Variants in RAB28 observed in about 807,000 individuals in gnomAD.
RAB28 encodes RAB28, member RAS oncogene family.
A neutral mutation model predicts 31.7 loss-of-function variants in RAB28; 24 were observed. The ratio of observed to expected loss-of-function variants is 0.76; its 90% CI spans 0.55 to 1.06. The LOEUF is 1.06. Ranked by LOEUF, RAB28 falls within the 50% of genes least tolerant of loss-of-function variation. The pLI, the probability that RAB28 is intolerant of heterozygous loss-of-function variation, is 0.00. For missense variants in RAB28, 254 were observed against 258.5 expected (o/e 0.98, Z 0.12); for synonymous variants, 100 against 90.4 (o/e 1.11, Z -0.60).
intron 4 of RAB28, among the ~76,000 whole-genome samples, chr4:13,426,725 A>G (rs898257597): frequency 1.3e-5 from 2 of 152,188 alleles, no homozygotes; most frequent in Admixed American, 6.5e-5. Flanking sequence ...AAATAAATAT[A>G]TTACCTTATT....
chr4:13,432,055 T>C (rs1713837207), intron 4 of RAB28, among the ~76,000 whole-genome samples: 1 of 151,850 alleles, frequency 6.6e-6, no homozygotes, highest in Non-Finnish European at 1.5e-5. Flanking sequence ...AGAAAAACAA[T>C]TTAGGATATG....
chr4:13,432,934 C>A (rs1035953198), intron 4 of RAB28, among the ~76,000 whole-genome samples: 1 of 149,844 alleles, frequency 6.7e-6, no homozygotes, highest in African/African-American at 2.5e-5. Context: ...TAACCTTGAA[C>A]GTAAATGGCC....
chr4:13,408,480 T>A (rs544215668), intron 4 of RAB28, among the ~76,000 whole-genome samples: 4 of 152,302 alleles, frequency 2.6e-5, no homozygotes, highest in Admixed American at 1.3e-4. Context: ...TTTCTTTTTT[T>A]GTGTGTGTCT....
intron 4 of RAB28, among the ~76,000 whole-genome samples, chr4:13,437,930 T>C (rs1430458372): frequency 6.6e-6 from 1 of 152,146 alleles, no homozygotes; most frequent in East Asian, 1.9e-4. Flanking sequence ...AATAGTGAAG[T>C]CATGGAATCA....
chr4:13,450,439 TC>T (rs1714907898), intron 4 of RAB28, among the ~76,000 whole-genome samples: 1 of 151,900 alleles, frequency 6.6e-6, no homozygotes, highest in Admixed American at 6.6e-5. Context: ...TCTAATGGAT[TC>T]CCTATATCTA....
chr4:13,483,983 G>A, intron 1 of RAB28, 93 bp downstream of exon 1: 1 of 1,230,964 alleles, frequency 8.1e-7, no homozygotes, highest in Non-Finnish European at 1.2e-6. Flanking sequence ...CCGAGGGCTC[G>A]GGGTAACGAG....
chr4:13,415,492 C>T (rs1177920855), intron 4 of RAB28, among the ~76,000 whole-genome samples: 2 of 152,166 alleles, frequency 1.3e-5, no homozygotes, highest in African/African-American at 4.8e-5. Flanking sequence ...ACTCAGAGCG[C>T]CCGGCCAGCC....
chr4:13,446,183 C>T (rs1005384796), intron 4 of RAB28, among the ~76,000 whole-genome samples: 1 of 152,220 alleles, frequency 6.6e-6, no homozygotes, highest in African/African-American at 2.4e-5. Flanking sequence ...AAACCGCCTA[C>T]TAAAGCCACA....
At chr4:13,369,943 A>G in intron 6 of RAB28, 1 of 1,612,364 alleles carries the variant, frequency 6.2e-7, no homozygotes, top group Non-Finnish European at 8.5e-7. Flanking sequence ...CGGGTACTTC[A>G]CTATTTCTGC....
At chr4:13,423,595 C>A (rs1713302326) in intron 4 of RAB28, among the ~76,000 whole-genome samples, 1 of 152,114 alleles carries the variant, frequency 6.6e-6, no homozygotes, top group South Asian at 2.1e-4. Flanking sequence ...CAGCCATACT[C>A]ATTCATTAGG....
chr4:13,483,958 C>A, intron 1 of RAB28, 118 bp downstream of exon 1: 1 of 955,616 alleles, frequency 1.0e-6, no homozygotes, highest in Non-Finnish European at 1.6e-6. Context: ...ACCAGAAGGG[C>A]CCGGGCCTAG....
chr4:13,469,937 T>G (rs1716040711), intron 3 of RAB28, among the ~76,000 whole-genome samples: 1 of 152,034 alleles, frequency 6.6e-6, no homozygotes, highest in Non-Finnish European at 1.5e-5. Flanking sequence ...GCAATTGGCC[T>G]ACCTTGGCCC....
Position 13,430,940 on chromosome 4 carries a change from C to T in RAB28, c.391+29759G>A, listed in dbSNP as rs531831606. 5.9e-5 allele frequency among the ~76,000 whole-genome samples: 9 copies of T among 152,310 alleles called. No homozygotes were observed. In the South Asian group the frequency reaches 1.4e-3, roughly 25 times the overall value. On this transcript the variant is annotated intron_variant, in intron 4 of 6. Transcript: ENST00000330852. The stretch of plus-strand genomic sequence containing the variant: ...GCCAGCAGTGACACCCATGAAGAGA[C>T]GTGGAGAGAGGGTCATCTCCTGGCC...
At chr4:13,439,245 C>T (rs766252185) in intron 4 of RAB28, among the ~76,000 whole-genome samples, 6 of 152,158 alleles carry the variant, frequency 3.9e-5, no homozygotes, top group Non-Finnish European at 7.3e-5. Context: ...TGTCCTTTGA[C>T]GCACACAAAT....
chr4:13,462,920 A>G (rs1410979257), intron 3 of RAB28, among the ~76,000 whole-genome samples: 1 of 152,186 alleles, frequency 6.6e-6, no homozygotes, highest in East Asian at 1.9e-4. Context: ...CATGGGTGAT[A>G]TATTATTTGT....
At chr4:13,369,665 T>C (rs1043530997) in intron 6 of RAB28, among the ~76,000 whole-genome samples, 1 of 152,152 alleles carries the variant, frequency 6.6e-6, no homozygotes, top group Non-Finnish European at 1.5e-5. Context: ...AAATGTTATT[T>C]TAATTTGTTC....
intron 4 of RAB28, among the ~76,000 whole-genome samples, chr4:13,431,028 T>TCAAAGAAAG (rs1277359061): frequency 4.6e-5 from 7 of 152,184 alleles, no homozygotes; most frequent in African/African-American, 1.7e-4. Context: ...TGGGCATGCC[T>TCAAAGAAAG]CAAAGAAAGT....
At chr4:13,369,847 C>A (rs1438750802) in intron 6 of RAB28, 1 of 1,591,514 alleles carries the variant, frequency 6.3e-7, no homozygotes, top group Non-Finnish European at 8.6e-7. Flanking sequence ...CCTCCCCAAA[C>A]TGTAATAATT....
chr4:13,444,560 A>T (rs1714600330), intron 4 of RAB28, among the ~76,000 whole-genome samples: 1 of 152,324 alleles, frequency 6.6e-6, no homozygotes, highest in Admixed American at 6.5e-5. Context: ...TTGCTGGATC[A>T]TATGTTTTGA....
Sources: gnomAD v4.1 joint callset for allele counts (sites outside exome capture counted in the v4.1 genomes callset) on GRCh38, gnomAD v4.1.1 for gene constraint, MANE v1.5 for transcripts, NCBI Gene and HGNC (gene_info 2026-07-23, HGNC 2026-07-21) for gene names.